CDHR2: variants seen among roughly 807,000 people sequenced by gnomAD.
The protein encoded by CDHR2 is cadherin-related family member 2.
In CDHR2, 104 loss-of-function variants were observed where a neutral mutation model predicts 138.6. The ratio of observed to expected loss-of-function variants is 0.75; its 90% CI spans 0.64 to 0.88. The LOEUF (loss-of-function observed/expected upper bound fraction) is 0.88, where lower values mean the gene tolerates loss of function less well. Ranked by LOEUF, CDHR2 falls within the 40% of genes least tolerant of loss-of-function variation. CDHR2 has a pLI of 0.00. For missense variants in CDHR2, 1,624 were observed against 1,727.6 expected (o/e 0.94, Z 1.06); for synonymous variants, 755 against 742.8 (o/e 1.02, Z -0.27).
intron 4 of CDHR2, 40 bp downstream of exon 4, chr5:176,568,857 G>T: frequency 6.2e-7 from 1 of 1,612,374 alleles, no homozygotes; most frequent in Non-Finnish European, 8.5e-7. Context: ...GACGCGGAGG[G>T]GGTGCTGGGA....
At chr5:176,578,701 G>A (rs1251659068) in intron 16 of CDHR2, 93 bp downstream of exon 16, 21 of 1,531,740 alleles carry the variant, frequency 1.4e-5, no homozygotes, top group African/African-American at 5.4e-5. Flanking sequence ...TCGGGGCTCC[G>A]CTGTGTGGCT....
chr5:176,589,127 G>T lies in CDHR2; in HGVS notation c.2953G>T (p.Gly985Cys), dbSNP rs374591144. The T allele has an allele frequency of 1.6e-5, 26 of 1,614,020 alleles. No individual in the cohort carries two copies. The highest frequency in any genetic ancestry group is 1.7e-5 in the Admixed American group (1 of 60,000). ...GGACGGGGCCACCATCCCTTTCCAG[G>T]GTGTCTTCTCGATCTTCACCTCCTC... ...SKDGATIPFQ[G>C]VFSIFTSSEA... Residue 985 changes from glycine to cysteine, a missense_variant, in exon 22 of 32, where the codon GGT (glycine) becomes TGT (cysteine). By Grantham distance (159) the Gly-to-Cys change is radical. Around this residue, in one of 3 missense-constraint regions of CDHR2, gnomAD observed 556 missense variants for 565.7 expected, o/e 0.98. Transcript: ENST00000261944.
chr5:176,568,829 C>T lies in CDHR2; in HGVS notation c.264+12C>T. 1 of 1,613,908 alleles carries T rather than the reference C, an allele frequency of 6.2e-7. No homozygotes were observed. Among genetic ancestry groups the T allele is most frequent in the Non-Finnish European group, 8.5e-7 (1 of 1,179,894 alleles). On this transcript the variant is annotated intron_variant, in intron 4 of 31. Transcript: ENST00000261944. ...CTCTGGACTACGAGGTAAAGAGCATCAGCCGGAGAGGGCACGGGACGCGGA... is the reference window on the plus strand; with the variant it reads ...CTCTGGACTACGAGGTAAAGAGCATTAGCCGGAGAGGGCACGGGACGCGGA...
chr5:176,592,274 A>G (rs1406202861), intron 30 of CDHR2, among the ~76,000 whole-genome samples: 141 of 91,940 alleles, frequency 1.5e-3, no homozygotes, highest in East Asian at 2.7e-3. Flanking sequence ...TGAGGTGATG[A>G]TGGTGGTGAT....
chr5:176,555,862 C>T (rs1391618301), intron 1 of CDHR2, among the ~76,000 whole-genome samples: 1 of 152,132 alleles, frequency 6.6e-6, no homozygotes, highest in African/African-American at 2.4e-5. Flanking sequence ...GATCGCCCCA[C>T]TGCCCTCCAG....
Position 176,557,179 on chromosome 5 carries a change from C to A in CDHR2, c.-16+7765C>A, listed in dbSNP as rs368524959. The stretch of plus-strand genomic sequence containing the variant: ...CACAGGCATGCACCATGGCGCCTGG[C>A]CTGTTATTTAATAATATTTTGTTGT... On this transcript the variant is annotated intron_variant, in intron 1 of 31. Coordinates refer to ENST00000261944, the MANE Select transcript of CDHR2 (RefSeq NM_017675.6). Among the ~76,000 whole-genome samples the A allele has an allele frequency of 5.4e-5, 6 of 110,290 alleles. No homozygotes were observed. In the East Asian group the frequency reaches 1.1e-3, roughly 21 times the overall value. 72.4% of individuals were successfully genotyped at this position (110,290 alleles called of 152,430 possible). A position where few individuals can be genotyped will look rare whatever the true frequency, so the allele number is the denominator to read the frequency against.
At chr5:176,564,641 T>C (rs1758040218) in intron 1 of CDHR2, among the ~76,000 whole-genome samples, 2 of 152,266 alleles carry the variant, frequency 1.3e-5, no homozygotes, top group South Asian at 4.2e-4. Flanking sequence ...GGTCTCTGTC[T>C]GGCTATCAAT....
intron 1 of CDHR2, among the ~76,000 whole-genome samples, chr5:176,544,329 TTTCC>T (rs1271136934): frequency 1.3e-5 from 2 of 151,976 alleles, no homozygotes; most frequent in East Asian, 1.9e-4. Flanking sequence ...CTTTCTTTCT[TTTCC>T]TTCCTTCCTT....
chr5:176,557,012 CTCTCTTTT>C (rs1364408322), intron 1 of CDHR2, among the ~76,000 whole-genome samples: 1 of 73,336 alleles, frequency 1.4e-5, no homozygotes, highest in Non-Finnish European at 3.5e-5. Flanking sequence ...CTCTCTCTCT[CTCTCTTTT>C]TTTTTTTTTT....
chr5:176,580,625 A>G (rs772598924), intron 16 of CDHR2, among the ~76,000 whole-genome samples: 1 of 152,112 alleles, frequency 6.6e-6, no homozygotes, highest in African/African-American at 2.4e-5. Context: ...ATGTAATCCC[A>G]GCACTTTGGG....
rs1758154495 is a variant in CDHR2, at chr5:176,568,947, C to T, written c.265-13C>T. On this transcript the variant is annotated splice_polypyrimidine_tract_variant and intron_variant, in intron 4 of 31. Coordinates refer to ENST00000261944, the MANE Select transcript of CDHR2 (RefSeq NM_017675.6). Reference sequence around the variant, plus strand: ...GGGGCTCACCACCGGCCCCTTCTCTCTGGCTGCTGCAGACACTCTACACAT... The same window carrying T: ...GGGGCTCACCACCGGCCCCTTCTCTTTGGCTGCTGCAGACACTCTACACAT... The T allele has an allele frequency of 6.8e-6, 11 of 1,613,980 alleles. No homozygotes were observed. Among genetic ancestry groups the T allele is most frequent in the Non-Finnish European group, 9.3e-6 (11 of 1,179,910 alleles).
upstream of CDHR2, among the ~76,000 whole-genome samples, chr5:176,545,475 C>A (rs1438158707): frequency 1.3e-5 from 2 of 152,232 alleles, no homozygotes; most frequent in Non-Finnish European, 2.9e-5. Context: ...AATTTTAAGG[C>A]ACACACTTCA....
chr5:176,589,288 G>C (rs1370743395), intron 22 of CDHR2, 42 bp from the exon 23 acceptor site: 5 of 1,571,224 alleles, frequency 3.2e-6, no homozygotes, highest in African/African-American at 1.4e-5. Flanking sequence ...TGAGGATTCA[G>C]CTTGGGTTCC....
chr5:176,576,415 G>T lies in CDHR2; in HGVS notation c.1194+230G>T, dbSNP rs1031465668. The stretch of plus-strand genomic sequence containing the variant: ...AAGGCCATGCTGAGTGGAGGCTGAC[G>T]TAGAACGTCAGATGATGCTGAGTAG... On this transcript the variant is annotated intron_variant, in intron 12 of 31. Transcript: ENST00000261944. The surrounding 1 kb of genome is among the most constrained non-coding windows in gnomAD (Gnocchi z 4.5). 6.6e-6 allele frequency among the ~76,000 whole-genome samples: 1 copy of T among 152,074 alleles called. No homozygotes were observed. Among genetic ancestry groups the T allele is most frequent in the African/African-American group, 2.4e-5 (1 of 41,392 alleles).
intron 10 of CDHR2, 62 bp downstream of exon 10, chr5:176,575,643 G>A: frequency 6.2e-7 from 1 of 1,602,348 alleles, no homozygotes; most frequent in Non-Finnish European, 8.5e-7. Flanking sequence ...CTCCGTCAGA[G>A]TCCCTGGAGG....
chr5:176,577,860 G>A, intron 14 of CDHR2, 62 bp downstream of exon 14: 3 of 1,474,166 alleles, frequency 2.0e-6, no homozygotes, highest in Non-Finnish European at 2.7e-6. Context: ...ATGTGTGAGT[G>A]TGAGAGTGTG....
chr5:176,555,738 C>T (rs2113258432), intron 1 of CDHR2, among the ~76,000 whole-genome samples: 1 of 152,092 alleles, frequency 6.6e-6, no homozygotes, highest in African/African-American at 2.4e-5. Context: ...AAAACCCCAT[C>T]TCTACTAAAA....
In CDHR2 at chr5:176,559,193, C is replaced by T. The variant is rs75104556; in HGVS notation, c.-15-6145C>T. 6.7e-3 allele frequency among the ~76,000 whole-genome samples: 1,015 copies of T among 152,270 alleles called. 10 individuals are homozygous for T. Among genetic ancestry groups the T allele is most frequent in the African/African-American group, 0.023 (949 of 41,536 alleles). On this transcript the variant is annotated intron_variant, in intron 1 of 31. Coordinates refer to ENST00000261944, the MANE Select transcript of CDHR2 (RefSeq NM_017675.6). The stretch of plus-strand genomic sequence containing the variant: ...GCTTCTGAATGCTGCATTTCTGCCA[C>T]GTTCTGTTGATCAAGCAAGTCACTA...
intron 5 of CDHR2, among the ~76,000 whole-genome samples, chr5:176,570,950 TAA>T (rs35630981): frequency 0.28 from 35,203 of 123,754 alleles, 4,564 homozygotes; most frequent in East Asian, 0.5. Flanking sequence ...AAACTCTGTC[TAA>T]AAAAAAAAAA....
Sources: allele counts gnomAD v4.1 joint callset (sites outside exome capture counted in the v4.1 genomes callset), GRCh38; gene constraint gnomAD v4.1.1; regional missense constraint gnomAD v4.1.1; non-coding constraint Gnocchi (gnomAD v3.1); transcripts MANE v1.5; gene names NCBI Gene and HGNC (gene_info 2026-07-23, HGNC 2026-07-21).